The following FBXW2 variants were observed in gnomAD, a reference collection of about 807,000 sequenced individuals.
FBXW2 encodes F-box/WD repeat-containing protein 2.
A neutral mutation model predicts 46.0 loss-of-function variants in FBXW2; 12 were observed. The ratio of observed to expected loss-of-function variants is 0.26; its 90% CI spans 0.17 to 0.42. The LOEUF is 0.42. Ranked by LOEUF, FBXW2 falls within the 10% of genes least tolerant of loss-of-function variation. FBXW2 has a pLI of 1.00. For synonymous variants in FBXW2, 203 were observed against 209.6 expected (o/e 0.97, Z 0.27); for missense variants, 360 against 537.0 (o/e 0.67, Z 3.26).
chr9:120,764,284 G>T lies in FBXW2; in HGVS notation c.*275C>A, dbSNP rs760499407. The T allele has an allele frequency of 4.8e-5, 20 of 418,886 alleles. No individual in the cohort carries two copies. The highest frequency in any genetic ancestry group is 8.4e-5 in the Non-Finnish European group (20 of 237,122). 25.9% of individuals were successfully genotyped at this position (418,886 alleles called of 1,614,324 possible). A position where few individuals can be genotyped will look rare whatever the true frequency, so the allele number is the denominator to read the frequency against. On this transcript the variant is annotated 3_prime_UTR_variant, in exon 8 of 8. Coordinates refer to ENST00000608872, the MANE Select transcript of FBXW2 (RefSeq NM_012164.4). ...AACCAATACTCCACTCAAGAAAGAT[G>T]AACCCAAAATGCATCCTCTAACACT...
Position 120,788,149 on chromosome 9 carries a change from C to T in FBXW2, c.110G>A (p.Gly37Glu). The change falls in exon 3 of 8, where the codon GGG becomes GAG. Residue 37 changes from glycine to glutamate, a missense_variant. By Grantham distance (98) the Gly-to-Glu change is moderately conservative. Transcript: ENST00000608872. ...GGAGAGATGCCTGAGCTGGACTGCC[C>T]CACTCAGACTAATCAGGTGATCCAG... ...ETLDHLISLS[G>E]AVQLRHLSNN... 2 of 1,614,090 alleles carry T rather than the reference C, an allele frequency of 1.2e-6. No homozygotes were observed. The highest frequency in any genetic ancestry group is 1.7e-6 in the Non-Finnish European group (2 of 1,180,010).
chr9:120,781,530 G>A (rs1409259446), intron 3 of FBXW2, among the ~76,000 whole-genome samples: 2 of 151,820 alleles, frequency 1.3e-5, no homozygotes, highest in Non-Finnish European at 2.9e-5. Flanking sequence ...GCTATATCAT[G>A]GAAAAAGGTT....
chr9:120,770,156 C>A (rs1242217997), intron 7 of FBXW2, among the ~76,000 whole-genome samples: 1 of 152,142 alleles, frequency 6.6e-6, no homozygotes, highest in Non-Finnish European at 1.5e-5. Context: ...GCGGGTGGAT[C>A]ACGAGGTCAG....
At chr9:120,765,522 A>G (rs1051335631) in intron 7 of FBXW2, among the ~76,000 whole-genome samples, 3 of 152,342 alleles carry the variant, frequency 2.0e-5, no homozygotes, top group East Asian at 1.9e-4. Flanking sequence ...TGCTTTGGCT[A>G]AGGATTCACA....
At position 120,760,773 on chromosome 9, in the gene FBXW2, T is replaced by C. The variant is rs947166989; in HGVS notation, c.*3786A>G. On this transcript the variant is annotated 3_prime_UTR_variant, in exon 8 of 8. Coordinates refer to ENST00000608872, the MANE Select transcript of FBXW2 (RefSeq NM_012164.4). ...AAATGTGTAAAGCCAGGATCCACTA[T>C]CCTTAGCTGATTCTGTTAGATCAAA... 6.6e-6 allele frequency: 1 copy of C among 152,242 alleles called. No homozygotes were observed. Among genetic ancestry groups the C allele is most frequent in the South Asian group, 2.1e-4 (1 of 4,836 alleles). 9.4% of individuals were successfully genotyped at this position (152,242 alleles called of 1,614,324 possible).
At chr9:120,786,209 T>C (rs2044719653) in intron 3 of FBXW2, among the ~76,000 whole-genome samples, 1 of 152,124 alleles carries the variant, frequency 6.6e-6, no homozygotes, top group Non-Finnish European at 1.5e-5. Flanking sequence ...CCAAACCTCA[T>C]CCTGAACTGT....
intron 7 of FBXW2, among the ~76,000 whole-genome samples, chr9:120,766,526 G>A (rs1165924683): frequency 6.6e-6 from 1 of 152,132 alleles, no homozygotes; most frequent in East Asian, 1.9e-4. Flanking sequence ...GTGCAGTGGC[G>A]TGATCTCGGC....
intron 2 of FBXW2, among the ~76,000 whole-genome samples, chr9:120,789,273 G>A (rs1455930190): frequency 2.0e-5 from 3 of 152,274 alleles, no homozygotes; most frequent in Admixed American, 1.3e-4. Flanking sequence ...GGAGAACCAC[G>A]ACCAAGTGGT....
intron 2 of FBXW2, among the ~76,000 whole-genome samples, chr9:120,791,979 T>C (rs2044853193): frequency 2.0e-5 from 3 of 152,188 alleles, no homozygotes; most frequent in Non-Finnish European, 4.4e-5. Context: ...CTCCCTATGT[T>C]ACCTAGGCAA....
At chr9:120,767,071 T>C (rs1448131633) in intron 7 of FBXW2, among the ~76,000 whole-genome samples, 2 of 152,184 alleles carry the variant, frequency 1.3e-5, no homozygotes, top group African/African-American at 4.8e-5. Context: ...CTTTTATAGC[T>C]GGACCTGGAA....
rs543879418 is a variant in FBXW2, at chr9:120,760,794, T to C, written c.*3765A>G. 3 of 152,202 alleles carry C rather than the reference T, an allele frequency of 2.0e-5. No individual in the cohort carries two copies. The highest frequency in any genetic ancestry group is 4.4e-5 in the Non-Finnish European group (3 of 68,032). 9.4% of individuals were successfully genotyped at this position (152,202 alleles called of 1,614,324 possible). A position where few individuals can be genotyped will look rare whatever the true frequency, so the allele number is the denominator to read the frequency against. ...ACTATCCTTAGCTGATTCTGTTAGA[T>C]CAAAATGCCTAATACAAACAATTTC... On this transcript the variant is annotated 3_prime_UTR_variant, in exon 8 of 8. Transcript: ENST00000608872.
chr9:120,789,085 A>G (rs532335265), intron 2 of FBXW2, among the ~76,000 whole-genome samples: 1 of 152,210 alleles, frequency 6.6e-6, no homozygotes, highest in African/African-American at 2.4e-5. Context: ...CCTGATGTTT[A>G]TAAAACACCA....
chr9:120,777,660 C>G (rs2044525347), intron 4 of FBXW2, among the ~76,000 whole-genome samples: 2 of 151,846 alleles, frequency 1.3e-5, no homozygotes, highest in African/African-American at 4.8e-5. Context: ...GGGAGCTGCT[C>G]AACACAAGAG....
In FBXW2 at chr9:120,793,033, G is replaced by A. The variant is rs563338150; in HGVS notation, c.-21+116C>T. The stretch of plus-strand genomic sequence containing the variant: ...TTTCGCAGCTAAGGAAATGGAGGCA[G>A]TAGGAGGCAGTAACTCCAAAACCCT... On this transcript the variant is annotated intron_variant, in intron 2 of 7. Transcript: ENST00000608872. The A allele has an allele frequency of 1.8e-4, 239 of 1,298,912 alleles. 3 individuals carry two copies. The South Asian group carries it at 1.9e-3, about 10-fold the overall frequency. 80.5% of individuals were successfully genotyped at this position (1,298,912 alleles called of 1,614,324 possible). A position where few individuals can be genotyped will look rare whatever the true frequency, so the allele number is the denominator to read the frequency against.
chr9:120,785,235 C>A (rs537841572), intron 3 of FBXW2, among the ~76,000 whole-genome samples: 1 of 152,184 alleles, frequency 6.6e-6, no homozygotes, highest in African/African-American at 2.4e-5. Context: ...TCTCAAAACT[C>A]CTGGGCTCAC....
rs1332653345 is a variant in FBXW2, at chr9:120,788,168, G to C, written c.91C>G (p.His31Asp). ...ACTGCCCCACTCAGACTAATCAGGT[G>C]ATCCAGAGTTTCATTTTTCTGCAAG... ...TDLQKNETLD[H>D]LISLSGAVQL... Residue 31 changes from histidine (H) to aspartate (D), a missense_variant, in exon 3 of 8, where the codon CAC becomes GAC. His to Asp is a moderately conservative substitution (Grantham distance 81, BLOSUM62 -1). Coordinates refer to ENST00000608872, the MANE Select transcript of FBXW2 (RefSeq NM_012164.4). 4.3e-6 allele frequency: 7 copies of C among 1,614,038 alleles called. No homozygotes were observed. The highest frequency in any genetic ancestry group is 5.9e-6 in the Non-Finnish European group (7 of 1,180,032).
At chr9:120,778,615 C>A in intron 3 of FBXW2, 70 bp from the exon 4 acceptor site, 1 of 1,346,698 alleles carries the variant, frequency 7.4e-7, no homozygotes, top group Non-Finnish European at 1.0e-6. Flanking sequence ...ATCCCAAAAT[C>A]ATGGTGTTCT....
In FBXW2 at chr9:120,788,082, G is replaced by A; in HGVS notation, c.177C>T (p.Leu59=). The A allele has an allele frequency of 1.2e-6, 2 of 1,614,192 alleles. No homozygotes were observed. The highest frequency in any genetic ancestry group is 2.7e-5 in the African/African-American group (2 of 75,036). The change falls in exon 3 of 8, where the codon CTC becomes CTT. Residue 59 remains leucine (L), a synonymous_variant. Coordinates refer to ENST00000608872, the MANE Select transcript of FBXW2 (RefSeq NM_012164.4). ...AATAAAAACTGAGCTCCAGGGGAAG[G>A]AGTTTGAGGAAGTCCCGCTTGAGGA... ...ETLLKRDFLK[L]LPLELSFYLL...
Position 120,771,344 on chromosome 9 carries a change from T to C in FBXW2, c.1076+4A>G, listed in dbSNP as rs1290422193. The C allele has an allele frequency of 1.2e-6, 2 of 1,607,782 alleles. No individual in the cohort carries two copies. Among genetic ancestry groups the C allele is most frequent in the Non-Finnish European group, 1.7e-6 (2 of 1,177,366 alleles). ...GTAAAGCGTGAGGTCGAAGGAAACA[T>C]TACCTGAGAATATCATAACTGGCAA... On this transcript the variant is annotated splice_donor_region_variant and intron_variant, in intron 7 of 7. Transcript: ENST00000608872.
Sources: allele counts gnomAD v4.1 joint callset (sites outside exome capture counted in the v4.1 genomes callset), GRCh38; gene constraint gnomAD v4.1.1; transcripts MANE v1.5; gene names NCBI Gene and HGNC (gene_info 2026-07-23, HGNC 2026-07-21).